Variants in NEDD9 observed in about 807,000 individuals in gnomAD.
NEDD9 encodes neural precursor cell expressed, developmentally down-regulated 9, also known as enhancer of filamentation 1.
A neutral mutation model predicts 76.6 loss-of-function variants in NEDD9; 26 were observed. That is an observed-to-expected ratio of 0.34 (90% confidence interval 0.25 to 0.47). The LOEUF (loss-of-function observed/expected upper bound fraction) is 0.47, where lower values mean the gene tolerates loss of function less well. Among genes scored for constraint, NEDD9 ranks in the 20% least tolerant of loss-of-function variants. The pLI is 1.00. For synonymous variants in NEDD9, 392 were observed against 414.2 expected, an observed-to-expected ratio of 0.95 and a Z score of 0.65; for missense variants, 937 against 1,058.5, an observed-to-expected ratio of 0.89 and a Z score of 1.59.
At chr6:11,316,008 C>T (rs748885240) in intron 2 of NEDD9, among the ~76,000 whole-genome samples, 66 of 152,140 alleles carry the variant, frequency 4.3e-4, no homozygotes, top group Non-Finnish European at 8.8e-4. Flanking sequence ...TCTTGCTGGG[C>T]ACGTGGCTCT....
chr6:11,353,854 C>A (rs934526593), intron 1 of NEDD9, among the ~76,000 whole-genome samples: 9 of 152,168 alleles, frequency 5.9e-5, no homozygotes, highest in Admixed American at 5.2e-4. Flanking sequence ...GCCCAAGCCA[C>A]CACCTTGCTC....
intron 2 of NEDD9, among the ~76,000 whole-genome samples, chr6:11,317,687 TC>T (rs1361641670): frequency 6.6e-6 from 1 of 152,128 alleles, no homozygotes; most frequent in African/African-American, 2.4e-5. Context: ...GACTTCTCTT[TC>T]TAGAAACTTG....
At chr6:11,320,260 T>C (rs184258359) in intron 2 of NEDD9, among the ~76,000 whole-genome samples, 1 of 152,352 alleles carries the variant, frequency 6.6e-6, no homozygotes. Flanking sequence ...AATATATCTT[T>C]CTTGGGTTGT....
At chr6:11,240,258 C>T (rs768351735) in intron 3 of NEDD9, among the ~76,000 whole-genome samples, 7 of 152,074 alleles carry the variant, frequency 4.6e-5, no homozygotes, top group South Asian at 2.1e-4. Flanking sequence ...GTTACAGCGA[C>T]GCGGTGGGTC....
At chr6:11,378,341 T>C (rs982291752) in intron 1 of NEDD9, among the ~76,000 whole-genome samples, 1 of 152,216 alleles carries the variant, frequency 6.6e-6, no homozygotes, top group African/African-American at 2.4e-5. Context: ...TCTTTCACCA[T>C]GACTGTAAGC....
At chr6:11,267,907 G>C (rs747564702) in intron 3 of NEDD9, among the ~76,000 whole-genome samples, 1 of 152,014 alleles carries the variant, frequency 6.6e-6, no homozygotes, top group Non-Finnish European at 1.5e-5. Context: ...AAGTAAAAGG[G>C]GGCACCAAAC....
At chr6:11,289,355 A>G (rs954002578) in intron 3 of NEDD9, among the ~76,000 whole-genome samples, 2 of 152,128 alleles carry the variant, frequency 1.3e-5, no homozygotes, top group Non-Finnish European at 1.5e-5. Flanking sequence ...ACTGCTATAA[A>G]CCTATTTTCT....
chr6:11,262,600 T>C (rs970208556), intron 3 of NEDD9, among the ~76,000 whole-genome samples: 5 of 152,256 alleles, frequency 3.3e-5, no homozygotes, highest in Admixed American at 6.5e-5. Context: ...TATATCAGTG[T>C]GGCTCCACAT....
chr6:11,316,105 C>A (rs1761548007), intron 2 of NEDD9, among the ~76,000 whole-genome samples: 1 of 152,214 alleles, frequency 6.6e-6, no homozygotes, highest in Admixed American at 6.5e-5. Context: ...TTCTGCAGCA[C>A]TCTTGGATGC....
intron 2 of NEDD9, among the ~76,000 whole-genome samples, chr6:11,320,330 A>G (rs1761763533): frequency 6.6e-6 from 1 of 152,200 alleles, no homozygotes; most frequent in South Asian, 2.1e-4. Context: ...GAGAGGGGGA[A>G]CCTGGTCTTC....
In NEDD9 at chr6:11,318,797, T is replaced by C. The variant is rs376362359; in HGVS notation, c.-152-12642A>G. Among the ~76,000 whole-genome samples the C allele has an allele frequency of 1.4e-4, 21 of 152,328 alleles. No individual in the cohort carries two copies. In the East Asian group the frequency reaches 1.5e-3, roughly 11 times the overall value. The stretch of plus-strand genomic sequence containing the variant: ...ATGTATGGTCTTTCTGGACATTCAT[T>C]GGAGAGAAGCTCTGTTTTTAAAAAT... On this transcript the variant is annotated intron_variant, in intron 2 of 3. Transcript: ENST00000397378.
chr6:11,225,302 G>A (rs916716432), intron 1 of NEDD9, among the ~76,000 whole-genome samples: 7 of 152,128 alleles, frequency 4.6e-5, no homozygotes, highest in Non-Finnish European at 1.5e-5. Flanking sequence ...ACCTTGATAT[G>A]TTAGACATAT....
At chr6:11,221,786 T>C (rs1759152689) in intron 1 of NEDD9, among the ~76,000 whole-genome samples, 1 of 152,160 alleles carries the variant, frequency 6.6e-6, no homozygotes, top group African/African-American at 2.4e-5. Context: ...CACAAGCTGT[T>C]TTCAGGGTTC....
intron 2 of NEDD9, among the ~76,000 whole-genome samples, chr6:11,205,953 A>G (rs16871099): frequency 0.014 from 2,147 of 152,288 alleles, 46 homozygotes; most frequent in African/African-American, 0.048. Context: ...AGGAACACAC[A>G]TTGTCCTATG....
At chr6:11,360,728 C>T (rs1762665201) in intron 1 of NEDD9, among the ~76,000 whole-genome samples, 1 of 152,186 alleles carries the variant, frequency 6.6e-6, no homozygotes, top group Non-Finnish European at 1.5e-5. Context: ...CCTGCAGAAC[C>T]GTGGGCCAAT....
At chr6:11,225,313 CA>C (rs1210005992) in intron 1 of NEDD9, among the ~76,000 whole-genome samples, 2 of 152,032 alleles carry the variant, frequency 1.3e-5, no homozygotes, top group Admixed American at 6.6e-5. Flanking sequence ...TTAGACATAT[CA>C]GGGGGAATTC....
In NEDD9 at chr6:11,317,356, C is replaced by A. The variant is rs1035289799; in HGVS notation, c.-152-11201G>T. On this transcript the variant is annotated intron_variant, in intron 2 of 3. Coordinates refer to the NEDD9 transcript ENST00000397378. Reference sequence around the variant, plus strand: ...GCTGAGGAAGGAGAATTGCTTGAAACTGGGAGGTGGAGGTAGCAGTGAGTA... The same window carrying A: ...GCTGAGGAAGGAGAATTGCTTGAAAATGGGAGGTGGAGGTAGCAGTGAGTA... Among the ~76,000 whole-genome samples the A allele has an allele frequency of 2.6e-5, 4 of 151,728 alleles. No homozygotes were observed. In the South Asian group the frequency reaches 8.3e-4, roughly 32 times the overall value.
intron 3 of NEDD9, among the ~76,000 whole-genome samples, chr6:11,255,039 A>T (rs977824693): frequency 1.4e-4 from 22 of 152,240 alleles, no homozygotes; most frequent in Admixed American, 1.4e-3. Context: ...AGCTGATGCT[A>T]TTCAAGGCAA....
intron 3 of NEDD9, among the ~76,000 whole-genome samples, chr6:11,266,177 C>T (rs893991958): frequency 6.6e-6 from 1 of 152,184 alleles, no homozygotes. Context: ...GGACCCCATA[C>T]ATTTATACAA....
Sources: gnomAD v4.1 joint callset for allele counts (sites outside exome capture counted in the v4.1 genomes callset) on GRCh38, gnomAD v4.1.1 for gene constraint, MANE v1.5 for transcripts, NCBI Gene and HGNC (gene_info 2026-07-23, HGNC 2026-07-21) for gene names.